CNTFR: variants seen among roughly 807,000 people sequenced by gnomAD.
CNTFR encodes ciliary neurotrophic factor receptor subunit alpha.
CNTFR carries 12 observed loss-of-function variants against 40.4 expected under a neutral mutation model. That is an observed-to-expected ratio of 0.30 (90% CI 0.19 to 0.48). CNTFR has a LOEUF of 0.48. CNTFR is among the 20% of genes least tolerant of loss of function. The pLI, the probability that CNTFR is intolerant of heterozygous loss-of-function variation, is 0.99. For missense variants in CNTFR, 414 were observed against 506.8 expected (o/e 0.82, Z 1.76); for synonymous variants, 202 against 209.6 (o/e 0.96, Z 0.31).
chr9:34,580,007 C>A (rs1004098638), intron 2 of CNTFR: 6 of 152,118 alleles, frequency 3.9e-5, no homozygotes, highest in African/African-American at 1.5e-4. Context: ...AGCTACTGTT[C>A]ACTGGCAGGA....
In CNTFR at chr9:34,557,290, G is replaced by A. The variant is rs1316654317; in HGVS notation, c.604+236C>T. On this transcript the variant is annotated intron_variant, in intron 6 of 9. Coordinates refer to ENST00000378980, the MANE Select transcript of CNTFR (RefSeq NM_147164.3). This position sits in a 1 kb window ranked among gnomAD's most constrained non-coding sequence, Gnocchi z 4.2. ...TGTTCTGGGAGCCAGAAAAATGATC[G>A]AAAGAGCTGCTGGACAGGTCTCTCG... 6.6e-6 allele frequency among the ~76,000 whole-genome samples: 1 copy of A among 152,106 alleles called. No homozygotes were observed. The highest frequency in any genetic ancestry group is 2.1e-4 in the South Asian group (1 of 4,824).
chr9:34,561,484 G>C (rs748969075), intron 4 of CNTFR, among the ~76,000 whole-genome samples: 23 of 152,162 alleles, frequency 1.5e-4, no homozygotes, highest in South Asian at 4.1e-4. Context: ...AATGTGGGGG[G>C]TCCTTCCGTC....
intron 1 of CNTFR, among the ~76,000 whole-genome samples, chr9:34,588,366 C>A (rs1827627038): frequency 6.6e-6 from 1 of 152,188 alleles, no homozygotes; most frequent in Admixed American, 6.5e-5. Context: ...CAAAAATACA[C>A]CTGGTGTTTC....
At chr9:34,571,332 G>A (rs779853606) in intron 2 of CNTFR, 2 of 152,416 alleles carry the variant, frequency 1.3e-5, no homozygotes, top group Non-Finnish European at 2.9e-5. Flanking sequence ...ATCTGTCCAT[G>A]TCTTTCTCCT....
intron 6 of CNTFR, among the ~76,000 whole-genome samples, chr9:34,556,962 A>G (rs1825860062): frequency 6.6e-6 from 1 of 152,134 alleles, no homozygotes; most frequent in East Asian, 1.9e-4. Context: ...CTTATGTAGA[A>G]ATACTCTGTC....
intron 2 of CNTFR, among the ~76,000 whole-genome samples, chr9:34,576,789 C>G (rs1826986984): frequency 1.3e-5 from 2 of 152,200 alleles, no homozygotes; most frequent in African/African-American, 4.8e-5. Context: ...TTGCTGCCTT[C>G]CCTCATCACC....
rs778321460 is a variant in CNTFR, at chr9:34,557,571, G to A, written c.559C>T (p.Leu187=). ...GTGATAGCTGTGGCATTGTGGCCCA[G>A]GGCATTGCTGACACTTATGGAGACC... is the stretch of plus-strand genomic sequence containing the variant. ...YKVSISVSNA[L]GHNATAITFD... is the part of the protein sequence containing the mutation. Residue 187 remains leucine (L), a synonymous_variant, in exon 6 of 10, where the codon CTG becomes TTG. Transcript: ENST00000378980. This position sits in a 1 kb window ranked among gnomAD's most constrained non-coding sequence, Gnocchi z 4.2. 2 of 1,614,198 alleles carry A rather than the reference G, an allele frequency of 1.2e-6. No individual in the cohort carries two copies. The highest frequency in any genetic ancestry group is 1.7e-6 in the Non-Finnish European group (2 of 1,180,034).
intron 3 of CNTFR, 30 bp from the exon 4 acceptor site, chr9:34,564,862 T>C (rs756164176): frequency 1.4e-5 from 22 of 1,595,192 alleles, no homozygotes; most frequent in Non-Finnish European, 1.6e-5. Context: ...AGGGCAAAAG[T>C]CACAGGTCAC....
In CNTFR at chr9:34,564,705, G is replaced by A. The variant is rs1403150113; in HGVS notation, c.213C>T (p.Gly71=). Residue 71 remains glycine (G), a synonymous_variant, in exon 4 of 10, where the codon GGC becomes GGT. Transcript: ENST00000378980. The part of the protein sequence containing the change: ...GTDLAPDLLN[G]SQLVLHGLEL... ...CCAGGCCATGGAGCACCAGCTGAGA[G>A]CCGTTGAGCAGGTCAGGGGCCAGGT... 3 of 1,614,134 alleles carry A rather than the reference G, an allele frequency of 1.9e-6. No individual in the cohort carries two copies. The highest frequency in any genetic ancestry group is 2.5e-6 in the Non-Finnish European group (3 of 1,180,014).
intron 2 of CNTFR, among the ~76,000 whole-genome samples, chr9:34,574,682 C>T (rs962591545): frequency 4.6e-5 from 7 of 152,346 alleles, no homozygotes; most frequent in Admixed American, 4.6e-4. Flanking sequence ...TTGGTATCCG[C>T]ACCTGCTGTT....
intron 2 of CNTFR, among the ~76,000 whole-genome samples, chr9:34,580,763 A>G (rs1827251186): frequency 6.6e-6 from 1 of 152,186 alleles, no homozygotes; most frequent in South Asian, 2.1e-4. Context: ...CAAATAAGAG[A>G]GATGTCTGGG....
chr9:34,588,626 C>A (rs989080324), intron 1 of CNTFR, among the ~76,000 whole-genome samples: 1 of 152,048 alleles, frequency 6.6e-6, no homozygotes, highest in African/African-American at 2.4e-5. Flanking sequence ...AGAGACTAGA[C>A]GGAAAGAAAG....
intron 1 of CNTFR, among the ~76,000 whole-genome samples, chr9:34,585,380 C>T (rs1014404231): frequency 6.6e-6 from 1 of 152,190 alleles, no homozygotes; most frequent in African/African-American, 2.4e-5. Flanking sequence ...CTTCAGTTTG[C>T]TCCTAAGCCC....
intron 6 of CNTFR, 66 bp from the exon 7 acceptor site, chr9:34,556,484 G>A (rs1202788749): frequency 3.4e-6 from 5 of 1,486,862 alleles, no homozygotes; most frequent in East Asian, 2.3e-5. Context: ...GTCAACTCCA[G>A]CCACCATGTT....
At chr9:34,578,334 C>A (rs1338562766) in intron 2 of CNTFR, among the ~76,000 whole-genome samples, 1 of 152,224 alleles carries the variant, frequency 6.6e-6, no homozygotes, top group African/African-American at 2.4e-5. Flanking sequence ...TGAGGTCATC[C>A]TTTGAATCTA....
In CNTFR at chr9:34,555,669, C is replaced by A. The variant is rs142865770; in HGVS notation, c.768+586G>T. Among the ~76,000 whole-genome samples, 3 of 152,206 alleles carry A rather than the reference C, an allele frequency of 2.0e-5. No individual in the cohort carries two copies. The East Asian group carries it at 5.8e-4, about 29-fold the overall frequency. On this transcript the variant is annotated intron_variant, in intron 7 of 9. Transcript: ENST00000378980. ...CCTAAGCTGGGTCTGACTTTGGAGT[C>A]CTGATGCCAGTCAGGGCCTAAACTC... is the stretch of plus-strand genomic sequence containing the variant.
At chr9:34,569,265 A>G (rs1826465881) in intron 2 of CNTFR, among the ~76,000 whole-genome samples, 1 of 152,204 alleles carries the variant, frequency 6.6e-6, no homozygotes, top group African/African-American at 2.4e-5. Flanking sequence ...AGAAAGCAAC[A>G]TTATTGGCAT....
chr9:34,551,930 C>G lies in CNTFR; in HGVS notation c.*141G>C. The G allele has an allele frequency of 1.4e-6, 1 of 723,582 alleles. No homozygotes were observed. The highest frequency in any genetic ancestry group is 2.5e-6 in the Non-Finnish European group (1 of 394,616). 44.8% of individuals were successfully genotyped at this position (723,582 alleles called of 1,614,324 possible). On this transcript the variant is annotated 3_prime_UTR_variant, in exon 10 of 10. Coordinates refer to ENST00000378980, the MANE Select transcript of CNTFR (RefSeq NM_147164.3). ...TGGGGGGCGGCAGGCCCGGGCCCGC[C>G]GGGGTCTCCACAAATTGTGTCTGAA...
Position 34,576,103 on chromosome 9 carries a change from A to C in CNTFR, c.-1+4992T>G, listed in dbSNP as rs1185638413. On this transcript the variant is annotated intron_variant, in intron 2 of 9. Coordinates refer to ENST00000378980, the MANE Select transcript of CNTFR (RefSeq NM_147164.3). ...CTTGGGCTCTCACTACACCCGGCAG[A>C]GCTCTCAAAGCCCCCGCCTCCTCAG... Among the ~76,000 whole-genome samples, 8 of 152,110 alleles carry C rather than the reference A, an allele frequency of 5.3e-5. No individual in the cohort carries two copies. In the East Asian group the frequency reaches 1.5e-3, roughly 29 times the overall value.
Sources: gnomAD v4.1 joint callset for allele counts (sites outside exome capture counted in the v4.1 genomes callset) on GRCh38, gnomAD v4.1.1 for gene constraint, Gnocchi (gnomAD v3.1) non-coding constraint, MANE v1.5 for transcripts, NCBI Gene and HGNC (gene_info 2026-07-23, HGNC 2026-07-21) for gene names.